RGS3: variants seen among roughly 807,000 people sequenced by gnomAD.
RGS3 encodes regulator of G protein signaling 3, also known as regulator of G-protein signalling 3.
In RGS3, 80 loss-of-function variants were observed where a neutral mutation model predicts 132.6. The observed-to-expected ratio is 0.60, with a 90% CI of 0.50 to 0.73. The LOEUF is 0.73. RGS3 is among the 30% of genes least tolerant of loss of function. RGS3 has a pLI of 0.00. For missense variants in RGS3, 1,382 were observed against 1,530.8 expected, an observed-to-expected ratio of 0.90 and a Z score of 1.62; for synonymous variants, 598 against 620.6, an observed-to-expected ratio of 0.96 and a Z score of 0.54.
intron 4 of RGS3, among the ~76,000 whole-genome samples, chr9:113,482,600 G>A (rs1446377521): frequency 6.6e-6 from 1 of 152,206 alleles, no homozygotes; most frequent in African/African-American, 2.4e-5. Context: ...AGGCAGTCTT[G>A]TGTGGTAGAG....
intron 5 of RGS3, 87 bp downstream of exon 3, chr9:113,483,204 G>T (rs1009284810): frequency 1.1e-6 from 1 of 922,716 alleles, no homozygotes; most frequent in Non-Finnish European, 1.7e-6. Context: ...CACCTGTGGG[G>T]CTGGTGACCT....
rs1415941078 is a variant in RGS3, at chr9:113,463,536, G to A, written c.415+1335G>A. Among the ~76,000 whole-genome samples, 1 of 152,146 alleles carries A rather than the reference G, an allele frequency of 6.6e-6. No individual in the cohort carries two copies. The highest frequency in any genetic ancestry group is 6.5e-5 in the Admixed American group (1 of 15,288). On this transcript the variant is annotated intron_variant, in intron 3 of 24. Transcript: ENST00000350696. The surrounding 1 kb of genome is among the most constrained non-coding windows in gnomAD (Gnocchi z 4.6). The stretch of plus-strand genomic sequence containing the variant: ...CCCGGGGTGGCCGCACCGTCCTGCT[G>A]GCTCCTTGGGTGGCTGCCGTCGCTG...
intron 20 of RGS3, among the ~76,000 whole-genome samples, chr9:113,587,824 C>T (rs995553682): frequency 3.3e-5 from 5 of 152,216 alleles, no homozygotes; most frequent in Non-Finnish European, 5.9e-5. Flanking sequence ...CCCCACTCCC[C>T]GCCATGGTTC....
At chr9:113,509,236 G>T (rs910896580) in intron 14 of RGS3, among the ~76,000 whole-genome samples, 4 of 151,494 alleles carry the variant, frequency 2.6e-5, no homozygotes, top group Admixed American at 2.6e-4. Flanking sequence ...AATGAGCCGA[G>T]ATCATGCCAC....
chr9:113,488,891 GCAGA>G (rs1456330221), intron 7 of RGS3, among the ~76,000 whole-genome samples: 2 of 152,202 alleles, frequency 1.3e-5, no homozygotes, highest in Admixed American at 6.5e-5. Context: ...GCTGGAGGAG[GCAGA>G]CAGAGTGATT....
chr9:113,499,824 G>C (rs1000769423), intron 10 of RGS3, among the ~76,000 whole-genome samples: 9 of 152,326 alleles, frequency 5.9e-5, no homozygotes, highest in Non-Finnish European at 1.3e-4. Flanking sequence ...CAGTTTACCT[G>C]GCACATGTGT....
intron 19 of RGS3, among the ~76,000 whole-genome samples, chr9:113,543,741 A>G (rs1832996007): frequency 6.6e-6 from 1 of 152,182 alleles, no homozygotes; most frequent in Non-Finnish European, 1.5e-5. Flanking sequence ...AAAGAAATGG[A>G]CAGTCTGAAT....
intron 3 of RGS3, among the ~76,000 whole-genome samples, chr9:113,464,092 G>T (rs934946350): frequency 6.6e-6 from 1 of 152,350 alleles, no homozygotes; most frequent in Non-Finnish European, 1.5e-5. Context: ...CCTGCTGCCC[G>T]GCCATGAGTG....
At chr9:113,521,689 A>G (rs1018274933) in intron 16 of RGS3, among the ~76,000 whole-genome samples, 1 of 152,232 alleles carries the variant, frequency 6.6e-6, no homozygotes, top group Non-Finnish European at 1.5e-5. Flanking sequence ...AATTACAAAA[A>G]TGCTGCTGAG....
At chr9:113,514,630 C>A (rs377631092) in exon 15 of RGS3, 34 of 1,613,638 alleles carry the variant, frequency 2.1e-5, no homozygotes, top group Non-Finnish European at 2.8e-5. Flanking sequence ...CCCCCAAAGT[C>A]CTGGTGTTCC....
At chr9:113,448,179 A>C (rs950623272) in intron 1 of RGS3, among the ~76,000 whole-genome samples, 1 of 151,882 alleles carries the variant, frequency 6.6e-6, no homozygotes, top group African/African-American at 2.4e-5. Context: ...CTTTACCCCG[A>C]CCATCCATTC....
chr9:113,513,809 G>A (rs561513988), intron 14 of RGS3, among the ~76,000 whole-genome samples: 29 of 152,318 alleles, frequency 1.9e-4, no homozygotes, highest in Non-Finnish European at 2.2e-4. Context: ...ACTGGAGTGG[G>A]CCAGGCTGCT....
chr9:113,529,429 G>T (rs1832370383), intron 18 of RGS3, among the ~76,000 whole-genome samples, 165 bp downstream of exon 16: 2 of 152,106 alleles, frequency 1.3e-5, no homozygotes, highest in South Asian at 2.1e-4. Flanking sequence ...GGTAGAATGG[G>T]ACTAGCCATT....
chr9:113,594,365 G>A (rs377680984), intron 21 of RGS3, 65 bp from the exon 20 acceptor site: 61 of 1,600,558 alleles, frequency 3.8e-5, no homozygotes, highest in Non-Finnish European at 4.9e-5. Flanking sequence ...CAGCTCTCCC[G>A]ACTCTGGATT....
intron 21 of RGS3, chr9:113,593,980 G>A (rs1835585777): frequency 2.5e-6 from 4 of 1,612,884 alleles, no homozygotes; most frequent in African/African-American, 1.3e-5. Context: ...GGCGGCCCCA[G>A]AGGCTGTCCC....
In RGS3 at chr9:113,553,441, T is replaced by TAAAAAAAAAAAAA. The variant is rs66536651; in HGVS notation, c.2037+16530_2037+16542dup. Among the ~76,000 whole-genome samples the TAAAAAAAAAAAAA allele has an allele frequency of 4.9e-4, 10 of 20,424 alleles. 1 individual carries two copies. Among genetic ancestry groups the TAAAAAAAAAAAAA allele is most frequent in the Non-Finnish European group, 5.8e-4 (7 of 12,094 alleles). 13.4% of individuals were successfully genotyped at this position (20,424 alleles called of 152,430 possible). ...CTGGGCAACAGAGGGAAACTCTGTT[T>TAAAAAAAAAAAAA]AAAAAAAAAAAAAAAAAAATATATA... On this transcript the variant is annotated intron_variant, in intron 19 of 24. Transcript: ENST00000350696.
In RGS3 at chr9:113,591,441, T is replaced by A. The variant is rs1468951255; in HGVS notation, c.3080+44T>A. ...TGGCTTCTGCGCTCCTCTTCCTCCC[T>A]TGCCCCAGGGCTTGTCTCTCCTCTA... On this transcript the variant is annotated intron_variant, in intron 21 of 24. Coordinates refer to ENST00000350696, the Ensembl canonical transcript of RGS3. This position sits in a 1 kb window ranked among gnomAD's most constrained non-coding sequence, Gnocchi z 4.4. The A allele has an allele frequency of 6.4e-7, 1 of 1,561,662 alleles. No individual in the cohort carries two copies. The highest frequency in any genetic ancestry group is 1.1e-5 in the South Asian group (1 of 89,978).
chr9:113,490,701 T>TAA (rs1158146807), intron 7 of RGS3, among the ~76,000 whole-genome samples: 35 of 113,274 alleles, frequency 3.1e-4, no homozygotes, highest in African/African-American at 6.1e-4. Context: ...TATTATATTA[T>TAA]ATTTTATATT....
intron 3 of RGS3, among the ~76,000 whole-genome samples, chr9:113,466,389 A>C (rs1267766176): frequency 6.6e-6 from 1 of 152,252 alleles, no homozygotes; most frequent in Admixed American, 6.5e-5. Context: ...TGGAAATATA[A>C]AGAGACAAAA....
Sources: allele counts gnomAD v4.1 joint callset (sites outside exome capture counted in the v4.1 genomes callset), GRCh38; gene constraint gnomAD v4.1.1; non-coding constraint Gnocchi (gnomAD v3.1); transcripts MANE v1.5; gene names NCBI Gene and HGNC (gene_info 2026-07-23, HGNC 2026-07-21).